Variants in TIMD4 observed in about 807,000 individuals in gnomAD.
The protein encoded by TIMD4 is T-cell immunoglobulin and mucin domain-containing protein 4.
In TIMD4, 31 loss-of-function variants were observed where a neutral mutation model predicts 41.2. That is an observed-to-expected ratio of 0.75 (90% CI 0.57 to 1.01). The LOEUF (loss-of-function observed/expected upper bound fraction) is 1.01. TIMD4 is among the 50% of genes least tolerant of loss of function. TIMD4 has a pLI of 0.00. For missense variants in TIMD4, 479 were observed against 472.5 expected, an observed-to-expected ratio of 1.01 and a Z score of -0.13; for synonymous variants, 204 against 177.1, an observed-to-expected ratio of 1.15 and a Z score of -1.21.
intron 1 of TIMD4, among the ~76,000 whole-genome samples, chr5:156,959,213 C>T (rs1241599171): frequency 6.6e-6 from 1 of 152,162 alleles, no homozygotes; most frequent in Non-Finnish European, 1.5e-5. Flanking sequence ...GAAGCAGGTG[C>T]TGAGTATGGC....
chr5:156,961,804 G>A (rs866600541), intron 1 of TIMD4, among the ~76,000 whole-genome samples: 2 of 21,888 alleles, frequency 9.1e-5, no homozygotes, highest in Admixed American at 8.6e-4. Context: ...GCGAGACTCC[G>A]TCTCAAAAAA....
intron 1 of TIMD4, among the ~76,000 whole-genome samples, chr5:156,960,963 G>C (rs1389599719): frequency 6.6e-6 from 1 of 152,246 alleles, no homozygotes; most frequent in Non-Finnish European, 1.5e-5. Flanking sequence ...GAATTAAGTA[G>C]GGACCTGAGG....
chr5:156,940,573 G>C (rs372340963), intron 5 of TIMD4, among the ~76,000 whole-genome samples: 4 of 149,298 alleles, frequency 2.7e-5, no homozygotes, highest in Non-Finnish European at 5.9e-5. Context: ...CCGCCGCCCC[G>C]TCTGGGATGT....
At chr5:156,961,837 GAAAGAAAAAAAA>G (rs1561557405) in intron 1 of TIMD4, among the ~76,000 whole-genome samples, 34 of 66,496 alleles carry the variant, frequency 5.1e-4, no homozygotes, top group African/African-American at 1.7e-3. Flanking sequence ...AAAAAAAAAA[GAAAGAAAAAAAA>G]AAAGAAAATG....
intron 5 of TIMD4, among the ~76,000 whole-genome samples, chr5:156,936,333 C>CAAT: frequency 6.6e-6 from 1 of 152,292 alleles, no homozygotes; most frequent in Non-Finnish European, 1.5e-5. Context: ...ATAACAACAA[C>CAAT]AATAATAATA....
intron 1 of TIMD4, among the ~76,000 whole-genome samples, chr5:156,960,256 T>C (rs1160503953): frequency 6.6e-6 from 1 of 151,910 alleles, no homozygotes; most frequent in Non-Finnish European, 1.5e-5. Flanking sequence ...ACTTCAAGTT[T>C]CCAGGATAAG....
At position 156,919,517 on chromosome 5, in the gene TIMD4, T is replaced by C. The variant is rs61743247; in HGVS notation, c.1077A>G (p.Lys359=). The change falls in exon 9 of 9, where the codon AAA becomes AAG. Residue 359 remains lysine (K), a synonymous_variant. Transcript: ENST00000274532. The part of the protein sequence containing the change: ...HTRLDYIGDS[K]NVLNDVQHGR... ...CATGCTGCACGTCATTGAGGACATT[T>C]TTACTATCTCCAATGTAGTCTAGCC... The C allele has an allele frequency of 1.8e-3, 2,930 of 1,614,014 alleles. 41 individuals are homozygous for C. In the African/African-American group the frequency reaches 0.034, roughly 19 times the overall value.
chr5:156,932,378 G>A (rs559355437), intron 5 of TIMD4, among the ~76,000 whole-genome samples: 1 of 152,156 alleles, frequency 6.6e-6, no homozygotes, highest in Admixed American at 6.6e-5. Flanking sequence ...TTGAAGACAG[G>A]TGTTAGAAAC....
intron 5 of TIMD4, among the ~76,000 whole-genome samples, chr5:156,945,403 T>C (rs1299500346): frequency 2.0e-5 from 3 of 152,210 alleles, no homozygotes; most frequent in Non-Finnish European, 4.4e-5. Context: ...AGGTGTTAGC[T>C]TCCCTAATAA....
At position 156,960,659 on chromosome 5, in the gene TIMD4, G is replaced by A. The variant is rs955016932; in HGVS notation, c.58+2482C>T. Among the ~76,000 whole-genome samples the A allele has an allele frequency of 3.9e-5, 6 of 152,018 alleles. No individual in the cohort carries two copies. The East Asian group carries it at 7.7e-4, about 20-fold the overall frequency. ...TGACCTCGGGTGATCCACCAACCTCGGCCTCCCAAAATGCCAGGATTATAG... is the reference window on the plus strand; with the variant it reads ...TGACCTCGGGTGATCCACCAACCTCAGCCTCCCAAAATGCCAGGATTATAG... On this transcript the variant is annotated intron_variant, in intron 1 of 8. Transcript: ENST00000274532.
intron 1 of TIMD4, among the ~76,000 whole-genome samples, chr5:156,957,494 C>A (rs2113395203): frequency 1.1e-5 from 1 of 91,144 alleles, no homozygotes; most frequent in African/African-American, 4.1e-5. Flanking sequence ...GCCTGGGTGA[C>A]AGAGCGAGAG....
At position 156,954,765 on chromosome 5, in the gene TIMD4, A is replaced by G. The variant is rs1389520653; in HGVS notation, c.59-9T>C. 1 of 1,589,128 alleles carries G rather than the reference A, an allele frequency of 6.3e-7. No homozygotes were observed. The highest frequency in any genetic ancestry group is 1.2e-5 in the South Asian group (1 of 86,954). On this transcript the variant is annotated splice_polypyrimidine_tract_variant and intron_variant, in intron 1 of 8. Transcript: ENST00000274532. ...CTCTGAAGTGACTGGTGCTGCAAGG[A>G]AAAATGCGAAATTTAGGTCATGCAG...
intron 2 of TIMD4, among the ~76,000 whole-genome samples, 160 bp downstream of exon 2, chr5:156,954,255 A>G (rs1759919425): frequency 6.6e-6 from 1 of 152,058 alleles, no homozygotes; most frequent in Admixed American, 6.5e-5. Flanking sequence ...CTGCTTTTGT[A>G]TTTACTTGCC....
At chr5:156,942,591 G>T (rs1759668925) in intron 5 of TIMD4, among the ~76,000 whole-genome samples, 1 of 152,184 alleles carries the variant, frequency 6.6e-6, no homozygotes, top group African/African-American at 2.4e-5. Context: ...CCTATATCTG[G>T]CATCCAGAGA....
chr5:156,935,761 G>A (rs1759526919), intron 5 of TIMD4: 1 of 152,200 alleles, frequency 6.6e-6, no homozygotes, highest in South Asian at 2.1e-4. Context: ...AGACACCCTA[G>A]CAACAAAATC....
chr5:156,951,872 C>T, intron 2 of TIMD4, 82 bp from the exon 3 acceptor site: 1 of 1,572,300 alleles, frequency 6.4e-7, no homozygotes, highest in South Asian at 1.2e-5. Flanking sequence ...GGGACCCATC[C>T]ATTTCTGTTG....
Position 156,949,536 on chromosome 5 carries a change from T to C in TIMD4, c.760+115A>G, listed in dbSNP as rs1007294375. 1.0e-5 allele frequency: 9 copies of C among 867,790 alleles called. No homozygotes were observed. In the African/African-American group the frequency reaches 1.5e-4, roughly 15 times the overall value. 53.8% of individuals were successfully genotyped at this position (867,790 alleles called of 1,614,324 possible). On this transcript the variant is annotated intron_variant, in intron 4 of 8. Coordinates refer to ENST00000274532, the MANE Select transcript of TIMD4 (RefSeq NM_138379.3). The stretch of plus-strand genomic sequence containing the variant: ...GCCAATTTGCCACAGGGGGATTTTA[T>C]GGCACAAAAGACCCAAAGAGGTTGT...
At chr5:156,929,966 A>C (rs534863366) in intron 5 of TIMD4, among the ~76,000 whole-genome samples, 11 of 152,238 alleles carry the variant, frequency 7.2e-5, no homozygotes, top group African/African-American at 2.6e-4. Flanking sequence ...ATTCCATTGA[A>C]CATTATTTAT....
intron 5 of TIMD4, among the ~76,000 whole-genome samples, chr5:156,933,928 G>A (rs1759492712): frequency 6.6e-6 from 1 of 152,042 alleles, no homozygotes; most frequent in Admixed American, 6.6e-5. Flanking sequence ...CAACCCCCAT[G>A]GTATCAAGGA....
Sources: allele counts gnomAD v4.1 joint callset (sites outside exome capture counted in the v4.1 genomes callset), GRCh38; gene constraint gnomAD v4.1.1; transcripts MANE v1.5; gene names NCBI Gene and HGNC (gene_info 2026-07-23, HGNC 2026-07-21).